SASS6: variants seen among roughly 807,000 people sequenced by gnomAD.
The protein encoded by SASS6 is SAS-6 centriolar assembly protein.
SASS6 carries 59 observed loss-of-function variants against 94.9 expected under a neutral mutation model. That is an observed-to-expected ratio of 0.62 (90% CI 0.50 to 0.77). The LOEUF (loss-of-function observed/expected upper bound fraction) is 0.77, where lower values mean the gene tolerates loss of function less well. SASS6 is among the 30% of genes least tolerant of loss of function. The probability of loss-of-function intolerance (pLI) is 0.00; values close to 1 mark genes in which losing one functional copy is unlikely to be tolerated. For synonymous variants in SASS6, 264 were observed against 270.0 expected (o/e 0.98, Z 0.22); for missense variants, 698 against 734.1 (o/e 0.95, Z 0.57).
chr1:100,097,732 G>A (rs965129862), intron 14 of SASS6, among the ~76,000 whole-genome samples: 10 of 152,122 alleles, frequency 6.6e-5, no homozygotes, highest in African/African-American at 2.4e-4. Flanking sequence ...AGGAGGCTAA[G>A]ATAGGAGGAT....
intron 8 of SASS6, 49 bp from the exon 9 acceptor site, chr1:100,108,053 C>T (rs1475540129): frequency 9.1e-7 from 1 of 1,098,102 alleles, no homozygotes; most frequent in Non-Finnish European, 1.3e-6. Flanking sequence ...AAGGAAGCTG[C>T]CTCATCTGGT....
intron 9 of SASS6, 37 bp from the exon 10 acceptor site, chr1:100,107,754 T>C (rs61564118): frequency 1.9e-6 from 3 of 1,550,372 alleles, no homozygotes; most frequent in East Asian, 2.2e-5. Context: ...AATTAGGGCA[T>C]TTGTGTTTAC....
intron 1 of SASS6, among the ~76,000 whole-genome samples, chr1:100,131,221 C>T (rs1388147108): frequency 1.3e-5 from 2 of 149,716 alleles, no homozygotes; most frequent in African/African-American, 2.5e-5. Flanking sequence ...GACAGGATCT[C>T]GCTCTATCAC....
chr1:100,093,486 C>T (rs1401490305), intron 14 of SASS6, among the ~76,000 whole-genome samples: 1 of 152,134 alleles, frequency 6.6e-6, no homozygotes, highest in African/African-American at 2.4e-5. Flanking sequence ...TAGGGCTGGG[C>T]GTGGTGGCTC....
chr1:100,119,062 T>G lies in SASS6; in HGVS notation c.625A>C (p.Lys209Gln). The G allele has an allele frequency of 6.3e-7, 1 of 1,592,084 alleles. No individual in the cohort carries two copies. The highest frequency in any genetic ancestry group is 8.6e-7 in the Non-Finnish European group (1 of 1,165,968). Residue 209 changes from lysine to glutamine, a missense_variant, in exon 7 of 17, where the codon AAG becomes CAG. Lys to Gln is a moderately conservative substitution (Grantham distance 53). Coordinates refer to ENST00000287482, the MANE Select transcript of SASS6 (RefSeq NM_194292.3). ...TCATTTGTCAGTTCCTGAGAATGCT[T>G]GTTTGTCAAGGCTGCTGTATGTGAC... is the stretch of plus-strand genomic sequence containing the variant. ...WASHTAALTN[K>Q]HSQELTNEKE... is the part of the protein sequence containing the mutation.
In SASS6 at chr1:100,083,638, T is replaced by TTGA. The variant is rs1651000841; in HGVS notation, c.*1687_*1689dup. ...GAAATAACATTAAATGCAACACTTT[T>TTGA]TGATTATTAACACATGTACAATTTT... On this transcript the variant is annotated 3_prime_UTR_variant, in exon 17 of 17. Transcript: ENST00000287482. 6.6e-6 allele frequency: 1 copy of TTGA among 152,092 alleles called. No homozygotes were observed. Among genetic ancestry groups the TTGA allele is most frequent in the African/African-American group, 2.4e-5 (1 of 41,450 alleles). The allele number at this position is 152,092 out of a possible 1,614,324, so 9.4% of individuals were successfully genotyped here.
chr1:100,102,808 G>A, intron 14 of SASS6, 147 bp downstream of exon 14: 1 of 586,138 alleles, frequency 1.7e-6, no homozygotes, highest in South Asian at 2.2e-5. Flanking sequence ...ATAGATACTA[G>A]ATATTCAGTA....
Position 100,125,863 on chromosome 1 carries a change from A to G in SASS6, c.126+19T>C. 7.7e-7 allele frequency: 1 copy of G among 1,301,198 alleles called. No individual in the cohort carries two copies. Among genetic ancestry groups the G allele is most frequent in the East Asian group, 2.4e-5 (1 of 42,284 alleles). 80.6% of individuals were successfully genotyped at this position (1,301,198 alleles called of 1,614,324 possible). On this transcript the variant is annotated intron_variant, in intron 2 of 16. Transcript: ENST00000287482. Reference sequence around the variant, plus strand: ...ACAATGTACCGAAATGATATTTCAAAAAAGGACTAAATACCAACCTTTCTG... The same window carrying G: ...ACAATGTACCGAAATGATATTTCAAGAAAGGACTAAATACCAACCTTTCTG...
chr1:100,131,765 A>G (rs963641073), intron 1 of SASS6, among the ~76,000 whole-genome samples: 7 of 152,218 alleles, frequency 4.6e-5, no homozygotes, highest in East Asian at 1.9e-4. Flanking sequence ...TGGCAACTCA[A>G]TAAGGCAATG....
intron 8 of SASS6, among the ~76,000 whole-genome samples, chr1:100,108,927 G>A (rs1323382390): frequency 6.6e-6 from 1 of 151,630 alleles, no homozygotes; most frequent in African/African-American, 2.4e-5. Flanking sequence ...TTATTTTTAG[G>A]ACACTAATGC....
At chr1:100,110,962 T>C (rs925958350) in intron 7 of SASS6, among the ~76,000 whole-genome samples, 3 of 151,974 alleles carry the variant, frequency 2.0e-5, no homozygotes, top group Admixed American at 2.0e-4. Context: ...ACGAGCAAGG[T>C]TGGTTCATTA....
chr1:100,088,444 C>T (rs759638444), intron 14 of SASS6, among the ~76,000 whole-genome samples: 3 of 152,244 alleles, frequency 2.0e-5, no homozygotes, highest in Admixed American at 1.3e-4. Context: ...GTACACGCCA[C>T]GAAGTCTGGC....
intron 14 of SASS6, among the ~76,000 whole-genome samples, chr1:100,096,084 A>T (rs527908635): frequency 1.3e-5 from 2 of 152,366 alleles, no homozygotes; most frequent in African/African-American, 2.4e-5. Flanking sequence ...AAAAGATCTA[A>T]AACAATTTTG....
chr1:100,110,580 T>TTTTTTC (rs1431458307), intron 7 of SASS6, 97 bp from the exon 8 acceptor site: 1 of 590,992 alleles, frequency 1.7e-6, no homozygotes, highest in Non-Finnish European at 2.7e-6. Flanking sequence ...TAATTTCTTA[T>TTTTTTC]TTTTTCTTTT....
At chr1:100,113,520 C>G (rs533113786) in intron 7 of SASS6, among the ~76,000 whole-genome samples, 1 of 151,448 alleles carries the variant, frequency 6.6e-6, no homozygotes, top group Non-Finnish European at 1.5e-5. Flanking sequence ...ACTCAGGAGG[C>G]TGAGGCAGGA....
At chr1:100,127,092 T>C (rs889287923) in intron 1 of SASS6, among the ~76,000 whole-genome samples, 1 of 152,138 alleles carries the variant, frequency 6.6e-6, no homozygotes, top group Non-Finnish European at 1.5e-5. Flanking sequence ...AAAGTGCTCA[T>C]AAACATTAAT....
intron 14 of SASS6, among the ~76,000 whole-genome samples, chr1:100,093,674 A>G (rs972968399): frequency 1.3e-5 from 2 of 152,266 alleles, no homozygotes; most frequent in Middle Eastern, 3.4e-3. Context: ...AGGTGGGAGA[A>G]TCACATAAAC....
At chr1:100,096,831 A>G (rs1333515170) in intron 14 of SASS6, among the ~76,000 whole-genome samples, 2 of 152,220 alleles carry the variant, frequency 1.3e-5, no homozygotes, top group Non-Finnish European at 2.9e-5. Flanking sequence ...AATCACAATG[A>G]GGGGCCAGGT....
chr1:100,116,406 T>C (rs1183547610), intron 7 of SASS6, among the ~76,000 whole-genome samples: 1 of 152,208 alleles, frequency 6.6e-6, no homozygotes, highest in Non-Finnish European at 1.5e-5. Context: ...TATTATCAGA[T>C]AGTATTACAT....
Sources: allele counts gnomAD v4.1 joint callset (sites outside exome capture counted in the v4.1 genomes callset), GRCh38; gene constraint gnomAD v4.1.1; transcripts MANE v1.5; gene names NCBI Gene and HGNC (gene_info 2026-07-23, HGNC 2026-07-21).